Variants in SVEP1 observed in about 807,000 individuals in gnomAD.
SVEP1 encodes the protein sushi, von Willebrand factor type A, EGF and pentraxin domain-containing protein 1.
Under a neutral mutation model 367.3 loss-of-function variants are expected in SVEP1, and 164 were observed. That is an observed-to-expected ratio of 0.45 (90% CI 0.39 to 0.51). The LOEUF is 0.51. Among genes scored for constraint, SVEP1 ranks in the 20% least tolerant of loss-of-function variants. The probability of loss-of-function intolerance (pLI) is 0.00; values close to 1 mark genes in which losing one functional copy is unlikely to be tolerated. For synonymous variants in SVEP1, 1,666 were observed against 1,611.6 expected (o/e 1.03, Z -0.81); for missense variants, 4,117 against 4,425.3 (o/e 0.93, Z 1.98).
At chr9:110,395,880 T>A (rs201156363) in intron 40 of SVEP1, among the ~76,000 whole-genome samples, 1 of 152,010 alleles carries the variant, frequency 6.6e-6, no homozygotes, top group Non-Finnish European at 1.5e-5. Flanking sequence ...ACAAAGAGAC[T>A]TAGACTCCCA....
Position 110,389,605 on chromosome 9 carries a change from A to G in SVEP1, c.9823-18T>C. On this transcript the variant is annotated intron_variant, in intron 40 of 47. Coordinates refer to ENST00000374469, the MANE Select transcript of SVEP1 (RefSeq NM_153366.4). Reference sequence around the variant, plus strand: ...CTGTTCCCCTGTGAAACAATGGAGAAAGGTCATCAAGATCATAACTCTACA... The same window carrying G: ...CTGTTCCCCTGTGAAACAATGGAGAGAGGTCATCAAGATCATAACTCTACA... 3 of 1,613,200 alleles carry G rather than the reference A, an allele frequency of 1.9e-6. No individual in the cohort carries two copies. The highest frequency in any genetic ancestry group is 2.5e-6 in the Non-Finnish European group (3 of 1,179,536).
At chr9:110,574,205 T>C (rs534358074) in intron 1 of SVEP1, among the ~76,000 whole-genome samples, 17 of 152,376 alleles carry the variant, frequency 1.1e-4, no homozygotes, top group Admixed American at 9.8e-4. Context: ...AGGAATAAGA[T>C]GTCTGACTGA....
chr9:110,390,046 T>TAC (rs1564127112), intron 40 of SVEP1, among the ~76,000 whole-genome samples: 6 of 117,722 alleles, frequency 5.1e-5, no homozygotes, highest in African/African-American at 1.9e-4. Context: ...TATAAGTATA[T>TAC]ATACACGTAT....
chr9:110,429,783 G>A (rs895224085), intron 34 of SVEP1, 137 bp downstream of exon 34: 4 of 670,860 alleles, frequency 6.0e-6, no homozygotes, highest in Non-Finnish European at 1.0e-5. Flanking sequence ...TTCACACTAT[G>A]TATCATTCGA....
At chr9:110,562,601 G>C (rs991382521) in intron 1 of SVEP1, among the ~76,000 whole-genome samples, 1 of 152,152 alleles carries the variant, frequency 6.6e-6, no homozygotes, top group Non-Finnish European at 1.5e-5. Flanking sequence ...ATGACCAAGA[G>C]AGCTATCATA....
rs530799484 is a variant in SVEP1 at position 110,551,479 on chromosome 9, G to A, written c.532-1375C>T. 8.2e-4 allele frequency among the ~76,000 whole-genome samples: 125 copies of A among 152,252 alleles called. 1 individual carries two copies. Among genetic ancestry groups the A allele is most frequent in the Admixed American group, 2.4e-3 (37 of 15,302 alleles). Reference sequence around the variant, plus strand: ...AATATCTGGAAAGCCAGCAGTTTGAGAAGAGGTATTCAAACATTTCACCAC... The same window carrying A: ...AATATCTGGAAAGCCAGCAGTTTGAAAAGAGGTATTCAAACATTTCACCAC... On this transcript the variant is annotated intron_variant, in intron 1 of 47. Transcript: ENST00000374469.
At chr9:110,444,539 A>C (rs748328472) in intron 26 of SVEP1, among the ~76,000 whole-genome samples, 5 of 152,236 alleles carry the variant, frequency 3.3e-5, no homozygotes, top group Non-Finnish European at 2.9e-5. Context: ...TCCAAAGAAA[A>C]GAATAATTGA....
chr9:110,449,799 G>T (rs1233542062), intron 24 of SVEP1, among the ~76,000 whole-genome samples: 1 of 152,152 alleles, frequency 6.6e-6, no homozygotes, highest in Non-Finnish European at 1.5e-5. Context: ...AGTATAGAAC[G>T]TTAGTTCCCA....
At chr9:110,452,143 T>C (rs2118615950) in intron 22 of SVEP1, among the ~76,000 whole-genome samples, 1 of 152,276 alleles carries the variant, frequency 6.6e-6, no homozygotes, top group Non-Finnish European at 1.5e-5. Context: ...TAAAAGGAAA[T>C]TTCATAATAA....
At chr9:110,568,217 T>C (rs979094997) in intron 1 of SVEP1, among the ~76,000 whole-genome samples, 3 of 152,200 alleles carry the variant, frequency 2.0e-5, no homozygotes, top group African/African-American at 7.2e-5. Context: ...AAACATCAGA[T>C]GTGTCTCCAG....
chr9:110,375,164 C>T (rs745468743), intron 46 of SVEP1, among the ~76,000 whole-genome samples: 6 of 151,950 alleles, frequency 3.9e-5, no homozygotes, highest in South Asian at 4.2e-4. Flanking sequence ...TGCTATTCTT[C>T]GGCACATGAC....
intron 23 of SVEP1, among the ~76,000 whole-genome samples, 177 bp downstream of exon 23, chr9:110,451,112 C>T (rs1017696255): frequency 6.6e-6 from 1 of 152,096 alleles, no homozygotes; most frequent in Non-Finnish European, 1.5e-5. Context: ...CCTGCATGCC[C>T]TTTTACCCCA....
chr9:110,393,562 C>T (rs576279848), intron 40 of SVEP1, among the ~76,000 whole-genome samples: 40 of 152,272 alleles, frequency 2.6e-4, no homozygotes, highest in Admixed American at 1.4e-3. Context: ...AATGAGGCAT[C>T]GCCTCACCCG....
intron 2 of SVEP1, 147 bp downstream of exon 2, chr9:110,549,702 T>C: frequency 2.8e-6 from 3 of 1,083,432 alleles, no homozygotes; most frequent in Non-Finnish European, 3.9e-6. Flanking sequence ...GTTCAGCACA[T>C]TTCATGATGC....
chr9:110,487,508 A>T (rs1588077117), intron 9 of SVEP1, among the ~76,000 whole-genome samples: 1 of 152,322 alleles, frequency 6.6e-6, no homozygotes, highest in Admixed American at 6.5e-5. Flanking sequence ...AAATAGTCTG[A>T]TTTTTACTGG....
chr9:110,504,544 T>C (rs1829593288), intron 5 of SVEP1, among the ~76,000 whole-genome samples: 1 of 152,184 alleles, frequency 6.6e-6, no homozygotes. Context: ...ACATAGGAAG[T>C]CTGGCTCTCT....
intron 36 of SVEP1, among the ~76,000 whole-genome samples, chr9:110,424,289 A>G (rs1209175488): frequency 6.6e-6 from 1 of 152,254 alleles, no homozygotes; most frequent in Non-Finnish European, 1.5e-5. Flanking sequence ...TCTGACAAGA[A>G]AATACTGTCT....
At chr9:110,368,383 T>TTAGCCTTCCCTTGAAGG (rs1377682748) in intron 47 of SVEP1, among the ~76,000 whole-genome samples, 1 of 152,208 alleles carries the variant, frequency 6.6e-6, no homozygotes, top group Non-Finnish European at 1.5e-5. Context: ...GGGTTGCTAG[T>TTAGCCTTCCCTTGAAGG]TAGCCTTCCC....
At chr9:110,511,392 T>C (rs777789875) in intron 5 of SVEP1, among the ~76,000 whole-genome samples, 1 of 151,952 alleles carries the variant, frequency 6.6e-6, no homozygotes, top group Non-Finnish European at 1.5e-5. Context: ...ATTTTTATTT[T>C]TGGATTTTTT....
Sources: allele counts gnomAD v4.1 joint callset (sites outside exome capture counted in the v4.1 genomes callset), GRCh38; gene constraint gnomAD v4.1.1; transcripts MANE v1.5; gene names NCBI Gene and HGNC (gene_info 2026-07-23, HGNC 2026-07-21).